ACE: variants seen among roughly 807,000 people sequenced by gnomAD.
ACE encodes angiotensin I converting enzyme.
A neutral mutation model predicts 162.3 loss-of-function variants in ACE; 122 were observed. The ratio of observed to expected loss-of-function variants is 0.75; its 90% CI spans 0.65 to 0.87. ACE has a LOEUF of 0.87. ACE is among the 40% of genes least tolerant of loss of function. The probability of loss-of-function intolerance (pLI) is 0.00; values close to 1 mark genes in which losing one functional copy is unlikely to be tolerated. For missense variants in ACE, 1,799 were observed against 1,735.1 expected (o/e 1.04, Z -0.65); for synonymous variants, 796 against 720.6 (o/e 1.10, Z -1.68).
In ACE at chr17:63,484,422, AG is replaced by A. The variant is rs1568039483; in HGVS notation, c.1803del (p.Lys601AsnfsTer40). On this transcript the variant is annotated frameshift_variant, in exon 12 of 25. Transcript: ENST00000290866. LOFTEE classifies it high-confidence loss of function. This position sits in a 1 kb window ranked among gnomAD's most constrained non-coding sequence, Gnocchi z 4.0. ...GCCCTGGATGCCCAGCCGCTGCTCA[AG>A]TACTTCCAGCCAGTCACCCAGTGGC... ...LDALDAQPLL[K>X]YFQPVTQWLQ... 8.1e-6 allele frequency: 13 copies of A among 1,612,334 alleles called. No homozygotes were observed. Among genetic ancestry groups the A allele is most frequent in the Admixed American group, 1.7e-5 (1 of 59,950 alleles).
At position 63,481,662 on chromosome 17, in the gene ACE, C is replaced by G; in HGVS notation, c.1042C>G (p.Leu348Val). The G allele has an allele frequency of 6.2e-7, 1 of 1,614,056 alleles. No individual in the cohort carries two copies. The highest frequency in any genetic ancestry group is 8.5e-7 in the Non-Finnish European group (1 of 1,180,008). ...TCCCGAGTTCTGGGAAGGGTCGATG[C>G]TGGAGAAGCCGGCCGACGGGCGGGA... ...MPPEFWEGSM[L>V]EKPADGREVV... Residue 348 changes from leucine (L) to valine (V), a missense_variant, in exon 7 of 25, where the codon CTG becomes GTG. By Grantham distance (32) the Leu-to-Val change is conservative. Transcript: ENST00000290866.
At position 63,484,340 on chromosome 17, in the gene ACE, C is replaced by A. The variant is rs2029862424; in HGVS notation, c.1720C>A (p.Gln574Lys). The A allele has an allele frequency of 5.0e-6, 8 of 1,610,632 alleles. No homozygotes were observed. Among genetic ancestry groups the A allele is most frequent in the Non-Finnish European group, 6.8e-6 (8 of 1,179,734 alleles). ...KAGAKLRKVL[Q>K]AGSSRPWQEV... ...CACTCTGCCCACCAGGAAGGTGCTG[C>A]AGGCTGGCTCCTCCAGGCCCTGGCA... is the stretch of plus-strand genomic sequence containing the variant. The change falls in exon 12 of 25, where the codon CAG becomes AAG. Residue 574 changes from glutamine to lysine, a missense_variant. Transcript: ENST00000290866. The surrounding 1 kb of genome is among the most constrained non-coding windows in gnomAD (Gnocchi z 4.0).
intron 15 of ACE, 44 bp from the exon 16 acceptor site, chr17:63,488,604 G>A (rs370343321): frequency 3.7e-6 from 6 of 1,600,556 alleles, no homozygotes; most frequent in South Asian, 1.1e-5. Flanking sequence ...TACAAGCAGA[G>A]GTGAGCTAAG....
At chr17:63,490,923 T>C (rs1214042150) in intron 17 of ACE, 31 bp from the exon 18 acceptor site, 6 of 1,606,248 alleles carry the variant, frequency 3.7e-6, no homozygotes, top group East Asian at 2.2e-5. Context: ...TTGTCTTTCC[T>C]CTCTCTGCCG....
intron 13 of ACE, 39 bp downstream of exon 13, chr17:63,485,411 CAT>C (rs2029875351): frequency 6.2e-7 from 1 of 1,612,640 alleles, no homozygotes; most frequent in East Asian, 2.2e-5. Flanking sequence ...TGAGCATGTG[CAT>C]ACACACAGAG....
rs1049715807 is a variant in ACE at position 63,489,128 on chromosome 17, G to T, written c.2637G>T (p.Leu879=). 8.7e-6 allele frequency: 14 copies of T among 1,608,488 alleles called. No individual in the cohort carries two copies. Among genetic ancestry groups the T allele is most frequent in the African/African-American group, 5.3e-5 (4 of 74,936 alleles). ...INLEGPIPAH[L]LGNMWAQTWS... ...TGGAGGGGCCCATTCCTGCTCACCT[G>T]CTGGGTAAGGGCACATGTCGGGCCT... Residue 879 remains leucine (L), a synonymous_variant, in exon 17 of 25, where the codon CTG becomes CTT. Coordinates refer to ENST00000290866, the MANE Select transcript of ACE (RefSeq NM_000789.4).
intron 20 of ACE, 72 bp from the exon 21 acceptor site, chr17:63,493,850 C>T: frequency 1.9e-6 from 3 of 1,608,326 alleles, no homozygotes; most frequent in Non-Finnish European, 2.6e-6. Context: ...CCCACCCCTC[C>T]ACCATCACAG....
rs758865144 is a variant in ACE at position 63,483,138 on chromosome 17, C to T, written c.1452C>T (p.Pro484=). 3 of 1,614,116 alleles carry T rather than the reference C, an allele frequency of 1.9e-6. No individual in the cohort carries two copies. Among genetic ancestry groups the T allele is most frequent in the African/African-American group, 1.3e-5 (1 of 75,054 alleles). The change falls in exon 9 of 25, where the codon CCC becomes CCT. Residue 484 remains proline, a synonymous_variant. Transcript: ENST00000290866. ...WRWGVFSGRT[P]PSRYNFDWWY... ...GGGGGGTCTTTAGTGGGCGTACCCC[C>T]CCTTCCCGCTACAACTTCGACTGGT...
Position 63,484,555 on chromosome 17 carries a change from T to C in ACE, c.1921+14T>C. The C allele has an allele frequency of 1.2e-6, 2 of 1,605,970 alleles. No individual in the cohort carries two copies. Among genetic ancestry groups the C allele is most frequent in the Non-Finnish European group, 1.7e-6 (2 of 1,177,272 alleles). ...CGGAGGGCATAGGTAAAGCCCTGAGTGAGGATGGTGTGGGGCTAAGGTGGG... is the reference window on the plus strand; with the variant it reads ...CGGAGGGCATAGGTAAAGCCCTGAGCGAGGATGGTGTGGGGCTAAGGTGGG... On this transcript the variant is annotated intron_variant, in intron 12 of 24. Transcript: ENST00000290866. This position sits in a 1 kb window ranked among gnomAD's most constrained non-coding sequence, Gnocchi z 4.0.
At chr17:63,479,645 CTG>C in intron 3 of ACE, 122 bp from the exon 4 acceptor site, 1 of 1,353,404 alleles carries the variant, frequency 7.4e-7, no homozygotes, top group Non-Finnish European at 1.0e-6. Context: ...GCCCCTGTCT[CTG>C]GGGGCACCGT....
At chr17:63,483,798 CCT>C (rs1383091945) in intron 10 of ACE, 49 bp from the exon 11 acceptor site, 4 of 1,612,994 alleles carry the variant, frequency 2.5e-6, no homozygotes, top group African/African-American at 1.3e-5. Context: ...GTAAGGAACC[CCT>C]GTTCCTGGCC....
In ACE at chr17:63,496,459, C is replaced by G. The variant is rs764430271; in HGVS notation, c.3446C>G (p.Thr1149Arg). ...GCACTGTGCCAGGCAGCTGGCCACA[C>G]GGGCCCCCTGCACAAGTGTGACATC... is the stretch of plus-strand genomic sequence containing the variant. ...HEALCQAAGH[T>R]GPLHKCDIYQ... Residue 1149 changes from threonine to arginine, a missense_variant, in exon 23 of 25, where the codon ACG (threonine) becomes AGG (arginine). Transcript: ENST00000290866. 1 of 1,614,090 alleles carries G rather than the reference C, an allele frequency of 6.2e-7. No individual in the cohort carries two copies. The highest frequency in any genetic ancestry group is 8.5e-7 in the Non-Finnish European group (1 of 1,180,048).
Position 63,487,059 on chromosome 17 carries a change from T to C in ACE, c.2291T>C (p.Leu764Pro). ...ATVCHPNGSC[L>P]QLEPDLTNVM... ...GTGTGCCACCCGAATGGCAGCTGCC[T>C]GCAGCTCGAGCCAGGTGAGAGCTCA... Residue 764 changes from leucine (L) to proline (P), a missense_variant, in exon 15 of 25, where the codon CTG becomes CCG. By Grantham distance (98) the Leu-to-Pro change is moderately conservative. Coordinates refer to ENST00000290866, the MANE Select transcript of ACE (RefSeq NM_000789.4). 6.2e-7 allele frequency: 1 copy of C among 1,613,476 alleles called. No individual in the cohort carries two copies.
chr17:63,479,046 A>G lies in ACE; in HGVS notation c.457A>G (p.Thr153Ala), dbSNP rs767705427. 12 of 1,612,918 alleles carry G rather than the reference A, an allele frequency of 7.4e-6. No homozygotes were observed. The highest frequency in any genetic ancestry group is 1.6e-4 in the Middle Eastern group (1 of 6,062). Residue 153 changes from threonine (T) to alanine (A), a missense_variant, in exon 3 of 25, where the codon ACC becomes GCC. Coordinates refer to ENST00000290866, the MANE Select transcript of ACE (RefSeq NM_000789.4). ...LLSNMSRIYS[T>A]AKVCLPNKTA... ...AAGCAACATGAGCAGGATCTACTCC[A>G]CCGCCAAGGTCTGCCTCCCCAACAA...
chr17:63,481,769 T>C (rs1311659033), intron 7 of ACE, 31 bp downstream of exon 7: 6 of 1,612,762 alleles, frequency 3.7e-6, no homozygotes, highest in Non-Finnish European at 5.1e-6. Context: ...CGTTCTGGGG[T>C]TCCCCGGTTC....
chr17:63,485,237 C>G lies in ACE; in HGVS notation c.1923C>G (p.Asp641Glu), dbSNP rs1300962232. 1 of 1,614,112 alleles carries G rather than the reference C, an allele frequency of 6.2e-7. No homozygotes were observed. Among genetic ancestry groups the G allele is most frequent in the East Asian group, 2.2e-5 (1 of 44,876 alleles). Residue 641 changes from aspartate (D) to glutamate (E), a missense_variant and splice_region_variant, in exon 13 of 25, where the codon GAC (aspartate) becomes GAG (glutamate). Asp to Glu is a conservative substitution (Grantham distance 45, BLOSUM62 2). Coordinates refer to ENST00000290866, the MANE Select transcript of ACE (RefSeq NM_000789.4). ...GTTTCCCTGCACTCTGTCCCACAGA[C>G]CTGGTGACTGATGAGGCTGAGGCCA... ...PLPDNYPEGI[D>E]LVTDEAEASK...
rs12709426 is a variant in ACE at position 63,484,395 on chromosome 17, A to T, written c.1775A>T (p.Asp592Val). 7 of 1,612,004 alleles carry T rather than the reference A, an allele frequency of 4.3e-6. No homozygotes were observed. In the South Asian group the frequency reaches 6.6e-5, roughly 15 times the overall value. The change falls in exon 12 of 25, where the codon GAT (aspartate) becomes GTT (valine). Residue 592 changes from aspartate (D) to valine (V), a missense_variant. Physicochemically the swap from Asp to Val is radical, Grantham distance 152. Coordinates refer to ENST00000290866, the MANE Select transcript of ACE (RefSeq NM_000789.4). This position sits in a 1 kb window ranked among gnomAD's most constrained non-coding sequence, Gnocchi z 4.0. ...GTGCTGAAGGACATGGTCGGCTTAG[A>T]TGCCCTGGATGCCCAGCCGCTGCTC... ...QEVLKDMVGL[D>V]ALDAQPLLKY...
chr17:63,494,223 C>T (rs995746034), intron 21 of ACE, 149 bp from the exon 22 acceptor site: 66 of 1,257,004 alleles, frequency 5.3e-5, no homozygotes, highest in Middle Eastern at 2.0e-4. Flanking sequence ...ATGGGGAAAA[C>T]GGGGTGATTG....
rs2030344642 is a variant in ACE at position 63,491,093 on chromosome 17, G to T, written c.2739+42G>T. 5 of 1,612,490 alleles carry T rather than the reference G, an allele frequency of 3.1e-6. No individual in the cohort carries two copies. Among genetic ancestry groups the T allele is most frequent in the Admixed American group, 1.7e-5 (1 of 60,008 alleles). On this transcript the variant is annotated intron_variant, in intron 18 of 24. Coordinates refer to ENST00000290866, the MANE Select transcript of ACE (RefSeq NM_000789.4). The surrounding 1 kb of genome is among the most constrained non-coding windows in gnomAD (Gnocchi z 4.4). ...GGGCAGGGAGGCCCCGCCGGGATGG[G>T]AGGGACCCTCTGATTCAGGAGTTCC... is the stretch of plus-strand genomic sequence containing the variant.
Sources: allele counts gnomAD v4.1 joint callset, GRCh38; gene constraint gnomAD v4.1.1; non-coding constraint Gnocchi (gnomAD v3.1); transcripts MANE v1.5; gene names NCBI Gene and HGNC (gene_info 2026-07-23, HGNC 2026-07-21).